The following KCNJ3 variants were observed in gnomAD, a reference collection of about 807,000 sequenced individuals.
The protein encoded by KCNJ3 is potassium inwardly rectifying channel subfamily J member 3.
Under a neutral mutation model 39.2 loss-of-function variants are expected in KCNJ3, and 4 were observed. The observed-to-expected ratio is 0.10, with a 90% CI of 0.05 to 0.23. KCNJ3 has a LOEUF of 0.23. Among genes scored for constraint, KCNJ3 ranks in the 10% least tolerant of loss-of-function variants. The pLI, the probability that KCNJ3 is intolerant of heterozygous loss-of-function variation, is 1.00. For synonymous variants in KCNJ3, 230 were observed against 237.4 expected (o/e 0.97, Z 0.29); for missense variants, 276 against 634.9 (o/e 0.43, Z 6.08).
At chr2:154,854,243 G>A (rs1687803275) in intron 2 of KCNJ3, among the ~76,000 whole-genome samples, 1 of 152,120 alleles carries the variant, frequency 6.6e-6, no homozygotes, top group African/African-American at 2.4e-5. Flanking sequence ...AGTGTTGTGA[G>A]ACAGGTATTG....
intron 2 of KCNJ3, among the ~76,000 whole-genome samples, chr2:154,766,955 C>A (rs1170000927): frequency 6.6e-6 from 1 of 152,032 alleles, no homozygotes; most frequent in African/African-American, 2.4e-5. Flanking sequence ...CAGAGGGTTA[C>A]TAAGCTACTC....
intron 2 of KCNJ3, among the ~76,000 whole-genome samples, chr2:154,783,579 A>G (rs1170336596): frequency 6.6e-6 from 1 of 152,212 alleles, no homozygotes; most frequent in Non-Finnish European, 1.5e-5. Context: ...TGGCTTATAA[A>G]TATTAACTTA....
At chr2:154,831,451 C>T (rs182283718) in intron 2 of KCNJ3, among the ~76,000 whole-genome samples, 11 of 151,984 alleles carry the variant, frequency 7.2e-5, no homozygotes, top group East Asian at 1.9e-4. Flanking sequence ...AGAAGAAGGG[C>T]GATTATGAGG....
chr2:154,790,702 G>A (rs138819443), intron 2 of KCNJ3, among the ~76,000 whole-genome samples: 2 of 152,048 alleles, frequency 1.3e-5, no homozygotes, highest in African/African-American at 4.8e-5. Flanking sequence ...GGATTTTGGG[G>A]GATGTAGAAA....
At chr2:154,803,592 A>G (rs1686859117) in intron 2 of KCNJ3, among the ~76,000 whole-genome samples, 1 of 151,946 alleles carries the variant, frequency 6.6e-6, no homozygotes, top group Non-Finnish European at 1.5e-5. Context: ...GCTTAAACCA[A>G]ATTATTGTAT....
At chr2:154,713,040 T>G (rs936936418) in intron 2 of KCNJ3, among the ~76,000 whole-genome samples, 8 of 151,672 alleles carry the variant, frequency 5.3e-5, no homozygotes, top group Non-Finnish European at 1.2e-4. Flanking sequence ...TGTAGCAGAG[T>G]GAGCCATGTG....
intron 2 of KCNJ3, among the ~76,000 whole-genome samples, chr2:154,806,342 T>C (rs1245211365): frequency 6.6e-6 from 1 of 152,128 alleles, no homozygotes; most frequent in Non-Finnish European, 1.5e-5. Flanking sequence ...ACCAGACAGA[T>C]GTTACACAAG....
chr2:154,751,322 T>A (rs987851976), intron 2 of KCNJ3, among the ~76,000 whole-genome samples: 7 of 152,068 alleles, frequency 4.6e-5, no homozygotes, highest in Non-Finnish European at 1.0e-4. Context: ...ATCTCATAAA[T>A]TTGAATAATA....
chr2:154,798,929 G>A (rs758887686), intron 2 of KCNJ3, among the ~76,000 whole-genome samples: 5 of 147,214 alleles, frequency 3.4e-5, no homozygotes, highest in Non-Finnish European at 5.9e-5. Flanking sequence ...TGTGCATGCC[G>A]TGTGTGTGTG....
intron 2 of KCNJ3, among the ~76,000 whole-genome samples, chr2:154,853,166 A>AAG (rs776258497): frequency 6.6e-6 from 1 of 151,714 alleles, no homozygotes; most frequent in Non-Finnish European, 1.5e-5. Context: ...AAGAGGGAAG[A>AAG]AGAGAGAGAG....
chr2:154,787,542 C>A (rs1574462545), intron 2 of KCNJ3, among the ~76,000 whole-genome samples: 1 of 152,036 alleles, frequency 6.6e-6, no homozygotes, highest in African/African-American at 2.4e-5. Flanking sequence ...CTATTCCCAG[C>A]AATGCAGATC....
chr2:154,726,900 T>A (rs1257264874), intron 2 of KCNJ3, among the ~76,000 whole-genome samples: 1 of 150,790 alleles, frequency 6.6e-6, no homozygotes, highest in African/African-American at 2.4e-5. Flanking sequence ...GCAACCAGGA[T>A]GGAACTCAAA....
chr2:154,783,750 T>C (rs1025170751), intron 2 of KCNJ3, among the ~76,000 whole-genome samples: 2 of 152,170 alleles, frequency 1.3e-5, no homozygotes, highest in African/African-American at 4.8e-5. Context: ...CCCTACCTCC[T>C]TAACTACAAG....
rs542785335 is a variant in KCNJ3, at chr2:154,754,681, G to A, written c.919+44862G>A. ...ACTTAGGGCTTACATGTCTATTTTTGAGATATTAGCTTACAGGATTTTTTT... is the reference window on the plus strand; with the variant it reads ...ACTTAGGGCTTACATGTCTATTTTTAAGATATTAGCTTACAGGATTTTTTT... On this transcript the variant is annotated intron_variant, in intron 2 of 2. Coordinates refer to ENST00000295101, the MANE Select transcript of KCNJ3 (RefSeq NM_002239.4). Among the ~76,000 whole-genome samples, 418 of 121,020 alleles carry A rather than the reference G, an allele frequency of 3.5e-3. 3 individuals carry two copies. Among genetic ancestry groups the A allele is most frequent in the African/African-American group, 0.011 (398 of 37,178 alleles). The allele number at this position is 121,020 out of a possible 152,430, so 79.4% of individuals were successfully genotyped here.
chr2:154,857,407 CACATTCA>C lies in KCNJ3; in HGVS notation c.*2098_*2104del, dbSNP rs1687856819. ...AAAACAAACTCTCCAAGTATATTCACACATTCAACAAAATTTTTGCATGCCTTCTATG... is the reference window on the plus strand; with the variant it reads ...AAAACAAACTCTCCAAGTATATTCACACAAAATTTTTGCATGCCTTCTATG... On this transcript the variant is annotated 3_prime_UTR_variant, in exon 3 of 3. Transcript: ENST00000295101. 6.6e-6 allele frequency: 1 copy of C among 152,110 alleles called. No individual in the cohort carries two copies. The highest frequency in any genetic ancestry group is 2.4e-5 in the African/African-American group (1 of 41,414). 9.4% of individuals were successfully genotyped at this position (152,110 alleles called of 1,614,324 possible). A position where few individuals can be genotyped will look rare whatever the true frequency, so the allele number is the denominator to read the frequency against.
At position 154,838,143 on chromosome 2, in the gene KCNJ3, G is replaced by A. The variant is rs190578144; in HGVS notation, c.920-16584G>A. Among the ~76,000 whole-genome samples the A allele has an allele frequency of 3.5e-3, 528 of 152,260 alleles. 2 individuals carry two copies. Among genetic ancestry groups the A allele is most frequent in the Middle Eastern group, 6.8e-3 (2 of 294 alleles). On this transcript the variant is annotated intron_variant, in intron 2 of 2. Transcript: ENST00000295101. Reference sequence around the variant, plus strand: ...CACATTCAAAAGACAAATTAAGATGGAGAAATCAGGAATGACTTCATAAAA... The same window carrying A: ...CACATTCAAAAGACAAATTAAGATGAAGAAATCAGGAATGACTTCATAAAA...
chr2:154,827,048 C>A (rs1363433430), intron 2 of KCNJ3, among the ~76,000 whole-genome samples: 1 of 152,076 alleles, frequency 6.6e-6, no homozygotes, highest in Non-Finnish European at 1.5e-5. Flanking sequence ...GTCCAAGATC[C>A]TTGTTTCGTT....
At position 154,739,330 on chromosome 2, in the gene KCNJ3, T is replaced by A. The variant is rs528262225; in HGVS notation, c.919+29511T>A. 1.6e-4 allele frequency among the ~76,000 whole-genome samples: 24 copies of A among 152,200 alleles called. No individual in the cohort carries two copies. In the South Asian group the frequency reaches 2.5e-3, roughly 16 times the overall value. On this transcript the variant is annotated intron_variant, in intron 2 of 2. Transcript: ENST00000295101. ...ATTTCACTTTGTACAGAGCACAAGA[T>A]ATTTTTTCTTTCATGTCCTCATTCC...
At chr2:154,843,333 T>C (rs1298207300) in intron 2 of KCNJ3, among the ~76,000 whole-genome samples, 1 of 152,200 alleles carries the variant, frequency 6.6e-6, no homozygotes, top group East Asian at 1.9e-4. Context: ...CTTCCCTTTG[T>C]GGGTAACTCA....
Sources: gnomAD v4.1 joint callset for allele counts (sites outside exome capture counted in the v4.1 genomes callset) on GRCh38, gnomAD v4.1.1 for gene constraint, MANE v1.5 for transcripts, NCBI Gene and HGNC (gene_info 2026-07-23, HGNC 2026-07-21) for gene names.